IRAK2: variants seen among roughly 807,000 people sequenced by gnomAD.
IRAK2 encodes interleukin-1 receptor-associated kinase-like 2.
IRAK2 carries 57 observed loss-of-function variants against 72.0 expected under a neutral mutation model. The observed-to-expected ratio is 0.79, with a 90% confidence interval of 0.64 to 0.99. The LOEUF (loss-of-function observed/expected upper bound fraction) is 0.99, where lower values mean the gene tolerates loss of function less well. IRAK2 is among the 50% of genes least tolerant of loss of function. The pLI, the probability that IRAK2 is intolerant of heterozygous loss-of-function variation, is 0.00. For synonymous variants in IRAK2, 293 were observed against 312.7 expected, an observed-to-expected ratio of 0.94 and a Z score of 0.67; for missense variants, 790 against 794.4, an observed-to-expected ratio of 0.99 and a Z score of 0.07.
intron 1 of IRAK2, among the ~76,000 whole-genome samples, 169 bp downstream of exon 1, chr3:10,165,217 C>T (rs1217634052): frequency 2.6e-5 from 4 of 152,192 alleles, no homozygotes; most frequent in Middle Eastern, 3.2e-3. Flanking sequence ...CGGCCTGTCA[C>T]CTGAAGGTGC....
At chr3:10,213,056 C>G in intron 4 of IRAK2, 151 bp from the exon 5 acceptor site, 6 of 672,126 alleles carry the variant, frequency 8.9e-6, no homozygotes, top group Non-Finnish European at 1.2e-5. Context: ...GCGTGAGCCA[C>G]CGTGCCCGGC....
intron 1 of IRAK2, among the ~76,000 whole-genome samples, chr3:10,165,431 G>GT (rs1334651741): frequency 0.019 from 2,855 of 151,008 alleles, 49 homozygotes; most frequent in East Asian, 0.095. Context: ...CTTCTTGGGG[G>GT]GGTGTGTGTG....
At chr3:10,178,861 A>G (rs1007690793) in intron 2 of IRAK2, among the ~76,000 whole-genome samples, 4 of 151,830 alleles carry the variant, frequency 2.6e-5, no homozygotes, top group African/African-American at 9.7e-5. Context: ...GGAGAGCAAT[A>G]GTGTGATCAA....
At chr3:10,174,765 T>C (rs1696847249) in intron 1 of IRAK2, among the ~76,000 whole-genome samples, 1 of 152,048 alleles carries the variant, frequency 6.6e-6, no homozygotes, top group African/African-American at 2.4e-5. Context: ...ACTTAGGTGA[T>C]CCGCCCACCT....
At chr3:10,170,091 G>A (rs1696771468) in intron 1 of IRAK2, among the ~76,000 whole-genome samples, 1 of 152,184 alleles carries the variant, frequency 6.6e-6, no homozygotes, top group African/African-American at 2.4e-5. Flanking sequence ...TCCTAACTCA[G>A]GGTGGCTCTA....
chr3:10,206,775 C>T (rs1296856012), intron 3 of IRAK2, among the ~76,000 whole-genome samples: 7 of 152,090 alleles, frequency 4.6e-5, no homozygotes, highest in African/African-American at 1.4e-4. Flanking sequence ...AGACTGGTCT[C>T]GAACTCCTGA....
chr3:10,197,194 A>G (rs1199023339), intron 2 of IRAK2, among the ~76,000 whole-genome samples: 1 of 151,746 alleles, frequency 6.6e-6, no homozygotes, highest in Non-Finnish European at 1.5e-5. Flanking sequence ...CCTGGCCAAC[A>G]TGGTGAAACC....
At chr3:10,213,057 C>G in intron 4 of IRAK2, 150 bp from the exon 5 acceptor site, 4 of 674,308 alleles carry the variant, frequency 5.9e-6, no homozygotes, top group Non-Finnish European at 9.9e-6. Flanking sequence ...CGTGAGCCAC[C>G]GTGCCCGGCC....
chr3:10,200,124 G>T (rs1697333030), intron 2 of IRAK2, among the ~76,000 whole-genome samples: 1 of 152,058 alleles, frequency 6.6e-6, no homozygotes, highest in Non-Finnish European at 1.5e-5. Flanking sequence ...CTGACCTCAG[G>T]CAGTCCACCC....
intron 10 of IRAK2, among the ~76,000 whole-genome samples, chr3:10,231,690 AT>A (rs1050834052): frequency 1.3e-5 from 2 of 152,066 alleles, no homozygotes; most frequent in African/African-American, 4.8e-5. Flanking sequence ...TTAAAAAAAA[AT>A]TTTATGTGGA....
rs1432450597 is a variant in IRAK2 at position 10,200,448 on chromosome 3, T to C, written c.357T>C (p.Ser119=). Residue 119 remains serine (S), a synonymous_variant, in exon 3 of 13, where the codon TCT becomes TCC. Transcript: ENST00000256458. The part of the protein sequence containing the change: ...SVKPEKPLAA[S]VRKAEDEQEE... The stretch of plus-strand genomic sequence containing the variant: ...AGCCAGAAAAGCCTTTGGCAGCTTC[T>C]GTAAGAAAGGCTGAGGATGAACAGG... 1 of 1,609,170 alleles carries C rather than the reference T, an allele frequency of 6.2e-7. No homozygotes were observed. The highest frequency in any genetic ancestry group is 1.7e-5 in the Admixed American group (1 of 59,948).
At chr3:10,212,471 T>A (rs952009384) in intron 4 of IRAK2, among the ~76,000 whole-genome samples, 1 of 152,140 alleles carries the variant, frequency 6.6e-6, no homozygotes, top group African/African-American at 2.4e-5. Flanking sequence ...CCAGTATCTA[T>A]GCTGTGAATT....
chr3:10,220,343 T>C (rs1697668494), intron 8 of IRAK2, among the ~76,000 whole-genome samples: 1 of 152,200 alleles, frequency 6.6e-6, no homozygotes, highest in African/African-American at 2.4e-5. Flanking sequence ...GATACCAGAA[T>C]ATCTGGCAGA....
intron 2 of IRAK2, among the ~76,000 whole-genome samples, chr3:10,198,200 A>AAAAAC (rs1402798806): frequency 3.2e-4 from 49 of 152,386 alleles, no homozygotes; most frequent in Middle Eastern, 3.4e-3. Flanking sequence ...CTCCGTCTCA[A>AAAAAC]AAAACAAAAC....
At chr3:10,220,629 T>C (rs1028694969) in intron 8 of IRAK2, among the ~76,000 whole-genome samples, 6 of 151,954 alleles carry the variant, frequency 3.9e-5, no homozygotes, top group Non-Finnish European at 8.8e-5. Context: ...TTTTAGTAGA[T>C]AGGCTTTCAC....
intron 1 of IRAK2, among the ~76,000 whole-genome samples, chr3:10,175,532 T>G (rs945659271): frequency 2.0e-5 from 3 of 152,098 alleles, no homozygotes. Flanking sequence ...GGTGGGAAGA[T>G]TGCTTGAGGC....
intron 6 of IRAK2, among the ~76,000 whole-genome samples, chr3:10,216,639 G>A (rs1015514079): frequency 1.3e-5 from 2 of 152,156 alleles, no homozygotes; most frequent in African/African-American, 4.8e-5. Flanking sequence ...CTGCTTTCTA[G>A]TTTGTGACCT....
At chr3:10,226,062 C>T (rs1372303772) in intron 9 of IRAK2, among the ~76,000 whole-genome samples, 1 of 152,080 alleles carries the variant, frequency 6.6e-6, no homozygotes, top group Non-Finnish European at 1.5e-5. Context: ...GTGTGTGTAT[C>T]TATATTTATC....
intron 2 of IRAK2, among the ~76,000 whole-genome samples, chr3:10,188,707 G>C (rs559627641): frequency 1.3e-5 from 2 of 152,314 alleles, no homozygotes; most frequent in African/African-American, 4.8e-5. Context: ...TGTATTTTTA[G>C]TAGAGACAGG....
Sources: allele counts gnomAD v4.1 joint callset (sites outside exome capture counted in the v4.1 genomes callset), GRCh38; gene constraint gnomAD v4.1.1; transcripts MANE v1.5; gene names NCBI Gene and HGNC (gene_info 2026-07-23, HGNC 2026-07-21).